Variants in ALDH7A1 observed in about 807,000 individuals in gnomAD.
ALDH7A1 encodes aldehyde dehydrogenase 7 family member A1, also known as alpha-aminoadipic semialdehyde dehydrogenase.
In ALDH7A1, 63 loss-of-function variants were observed where a neutral mutation model predicts 79.9. That is an observed-to-expected ratio of 0.79 (90% confidence interval 0.64 to 0.97). The LOEUF (loss-of-function observed/expected upper bound fraction) is 0.97. Ranked by LOEUF, ALDH7A1 falls within the 50% of genes least tolerant of loss-of-function variation. The probability of loss-of-function intolerance (pLI) is 0.00; values close to 1 mark genes in which losing one functional copy is unlikely to be tolerated. For synonymous variants in ALDH7A1, 240 were observed against 231.2 expected (o/e 1.04, Z -0.34); for missense variants, 627 against 665.2 (o/e 0.94, Z 0.63).
At chr5:126,568,566 G>A (rs1456955203) in intron 8 of ALDH7A1, 2 of 568,440 alleles carry the variant, frequency 3.5e-6, no homozygotes, top group East Asian at 6.2e-5. Context: ...AACCTGCTGT[G>A]AGCATTTGAA....
intron 5 of ALDH7A1, among the ~76,000 whole-genome samples, chr5:126,579,668 G>A (rs1175340848): frequency 6.6e-6 from 1 of 150,404 alleles, no homozygotes; most frequent in Non-Finnish European, 1.5e-5. Flanking sequence ...AAAAAAAATA[G>A]AAGTGTAAGC....
chr5:126,592,855 A>G (rs1352454360), intron 2 of ALDH7A1, 126 bp from the exon 3 acceptor site: 1 of 933,076 alleles, frequency 1.1e-6, no homozygotes, highest in Non-Finnish European at 1.7e-6. Context: ...TTTATGGCTG[A>G]GAATGATTCC....
At chr5:126,545,569 T>C (rs1311011563) in intron 17 of ALDH7A1, among the ~76,000 whole-genome samples, 31 of 140,444 alleles carry the variant, frequency 2.2e-4, no homozygotes, top group Non-Finnish European at 6.2e-5. Flanking sequence ...GTGGATCACC[T>C]GAGGTCAGGA....
At chr5:126,575,270 T>A in intron 7 of ALDH7A1, 150 bp downstream of exon 7, 1 of 665,516 alleles carries the variant, frequency 1.5e-6, no homozygotes, top group South Asian at 1.9e-5. Context: ...AAGCACTCTG[T>A]ATATAAAAAT....
intron 7 of ALDH7A1, among the ~76,000 whole-genome samples, chr5:126,573,909 A>C (rs572129129): frequency 6.6e-6 from 1 of 150,520 alleles, no homozygotes; most frequent in South Asian, 2.1e-4. Context: ...CCACACCTAT[A>C]ATCCCAGCTA....
chr5:126,564,199 C>T (rs1323525800), intron 9 of ALDH7A1, among the ~76,000 whole-genome samples: 1 of 152,172 alleles, frequency 6.6e-6, no homozygotes, highest in African/African-American at 2.4e-5. Flanking sequence ...ACTCTGTTGC[C>T]AGGCTGGAAT....
chr5:126,563,216 A>G (rs1750461005), intron 9 of ALDH7A1, among the ~76,000 whole-genome samples: 1 of 152,234 alleles, frequency 6.6e-6, no homozygotes, highest in South Asian at 2.1e-4. Flanking sequence ...TTACAATTTG[A>G]TAGTGTCTTC....
chr5:126,593,593 T>A, intron 1 of ALDH7A1, 189 bp from the exon 2 acceptor site: 1 of 809,468 alleles, frequency 1.2e-6, no homozygotes, highest in Non-Finnish European at 1.9e-6. Context: ...GACTTAAACA[T>A]TAGAAACTAC....
Position 126,542,584 on chromosome 5 carries a change from G to C in ALDH7A1, c.*2381C>G, listed in dbSNP as rs538927271. On this transcript the variant is annotated 3_prime_UTR_variant, in exon 18 of 18. Coordinates refer to ENST00000409134, the MANE Select transcript of ALDH7A1 (RefSeq NM_001182.5). The stretch of plus-strand genomic sequence containing the variant: ...GGAGCATGAGGTGGAAGGATAGATT[G>C]AGCCCAGGAGTTGGAGGCTGCAGTG... 1 of 152,246 alleles carries C rather than the reference G, an allele frequency of 6.6e-6. No individual in the cohort carries two copies. Among genetic ancestry groups the C allele is most frequent in the Admixed American group, 6.5e-5 (1 of 15,278 alleles). The allele number at this position is 152,246 out of a possible 1,614,324, so 9.4% of individuals were successfully genotyped here. A position where few individuals can be genotyped will look rare whatever the true frequency, so the allele number is the denominator to read the frequency against.
In ALDH7A1 at chr5:126,587,286, C is replaced by T. The variant is rs990649333; in HGVS notation, c.313-3274G>A. 2.6e-5 allele frequency: 4 copies of T among 152,118 alleles called. No individual in the cohort carries two copies. The South Asian group carries it at 6.2e-4, about 24-fold the overall frequency. 9.4% of individuals were successfully genotyped at this position (152,118 alleles called of 1,614,324 possible). A position where few individuals can be genotyped will look rare whatever the true frequency, so the allele number is the denominator to read the frequency against. On this transcript the variant is annotated intron_variant, in intron 3 of 17. Transcript: ENST00000409134. ...AAAGAAATCAATTTCTATAAACTACCTTTCCATATGTTTCACTTTGTTTCC... is the reference window on the plus strand; with the variant it reads ...AAAGAAATCAATTTCTATAAACTACTTTTCCATATGTTTCACTTTGTTTCC...
intron 7 of ALDH7A1, among the ~76,000 whole-genome samples, chr5:126,572,375 T>C (rs970145456): frequency 2.0e-5 from 3 of 152,206 alleles, no homozygotes; most frequent in African/African-American, 4.8e-5. Context: ...GGTGTCTATA[T>C]TGTCTGCACA....
chr5:126,576,817 C>T (rs916547599), intron 6 of ALDH7A1, among the ~76,000 whole-genome samples: 3 of 152,136 alleles, frequency 2.0e-5, no homozygotes, highest in Non-Finnish European at 4.4e-5. Flanking sequence ...ATCCCAGCCA[C>T]TTGGGAGGCT....
At chr5:126,569,868 T>C (rs1471397651) in intron 8 of ALDH7A1, 1 of 152,212 alleles carries the variant, frequency 6.6e-6, no homozygotes, top group East Asian at 1.9e-4. Flanking sequence ...TTTAAAAGTG[T>C]TGGAAGGCAA....
At chr5:126,572,240 C>T (rs1049904117) in intron 7 of ALDH7A1, among the ~76,000 whole-genome samples, 3 of 152,200 alleles carry the variant, frequency 2.0e-5, no homozygotes, top group African/African-American at 7.2e-5. Flanking sequence ...CTAAGTTCCC[C>T]TAAAATACCC....
rs1374781642 is a variant in ALDH7A1, at chr5:126,545,063, CAG to C, written c.1566-46_1566-45del. ...AGAATTAATGACAGTACATACATAA[CAG>C]AAGATTTTCATGCCCACTTTTAAAA... On this transcript the variant is annotated intron_variant, in intron 17 of 17. Coordinates refer to ENST00000409134, the MANE Select transcript of ALDH7A1 (RefSeq NM_001182.5). The C allele has an allele frequency of 2.8e-6, 4 of 1,437,044 alleles. No individual in the cohort carries two copies. In the African/African-American group the frequency reaches 4.2e-5, roughly 15 times the overall value. 89.0% of individuals were successfully genotyped at this position (1,437,044 alleles called of 1,614,324 possible).
chr5:126,558,992 T>C (rs1376584453), intron 11 of ALDH7A1, among the ~76,000 whole-genome samples: 2 of 152,242 alleles, frequency 1.3e-5, no homozygotes, highest in Non-Finnish European at 2.9e-5. Flanking sequence ...ATCAGTCTCA[T>C]CTCCTAGTCC....
intron 5 of ALDH7A1, among the ~76,000 whole-genome samples, chr5:126,582,319 T>A (rs540054856): frequency 3.4e-4 from 52 of 152,312 alleles, no homozygotes; most frequent in African/African-American, 1.3e-3. Flanking sequence ...TTAACATTAG[T>A]ATAATTTAAA....
chr5:126,567,787 CTT>C lies in ALDH7A1; in HGVS notation c.871+470_871+471del, dbSNP rs562611077. 241 of 117,512 alleles carry C rather than the reference CTT, an allele frequency of 2.1e-3. 2 individuals carry two copies. The highest frequency in any genetic ancestry group is 7.3e-3 in the African/African-American group (181 of 24,940). 7.3% of individuals were successfully genotyped at this position (117,512 alleles called of 1,614,324 possible). A position where few individuals can be genotyped will look rare whatever the true frequency, so the allele number is the denominator to read the frequency against. ...GTGCCTGGCTTGAATTTTTTTTTTTCTTTTTTTTTTTTTTGTGACGGAGTCTC... is the reference window on the plus strand; with the variant it reads ...GTGCCTGGCTTGAATTTTTTTTTTTCTTTTTTTTTTTTGTGACGGAGTCTC... On this transcript the variant is annotated intron_variant, in intron 9 of 17. Transcript: ENST00000409134.
At chr5:126,579,097 A>G (rs1481643262) in intron 5 of ALDH7A1, among the ~76,000 whole-genome samples, 3 of 152,122 alleles carry the variant, frequency 2.0e-5, no homozygotes, top group Non-Finnish European at 4.4e-5. Flanking sequence ...TTGGATACCT[A>G]CTGTAGCTAT....
Sources: allele counts gnomAD v4.1 joint callset (sites outside exome capture counted in the v4.1 genomes callset), GRCh38; gene constraint gnomAD v4.1.1; transcripts MANE v1.5; gene names NCBI Gene and HGNC (gene_info 2026-07-23, HGNC 2026-07-21).